Variants in SEC14L1 observed in about 807,000 individuals in gnomAD.
SEC14L1 encodes SEC14-like protein 1.
Under a neutral mutation model 85.3 loss-of-function variants are expected in SEC14L1, and 48 were observed. The ratio of observed to expected loss-of-function variants is 0.56; its 90% CI spans 0.45 to 0.72. The LOEUF (loss-of-function observed/expected upper bound fraction) is 0.72. SEC14L1 is among the 30% of genes least tolerant of loss of function. The pLI is 0.00. For missense variants in SEC14L1, 682 were observed against 921.4 expected (o/e 0.74, Z 3.36); for synonymous variants, 391 against 355.5 (o/e 1.10, Z -1.12).
In SEC14L1 at chr17:77,209,479, A is replaced by G. The variant is rs767884898; in HGVS notation, c.1611+3A>G. 6.2e-7 allele frequency: 1 copy of G among 1,613,608 alleles called. No individual in the cohort carries two copies. The highest frequency in any genetic ancestry group is 1.1e-5 in the South Asian group (1 of 91,072). On this transcript the variant is annotated splice_donor_region_variant and intron_variant, in intron 14 of 16. Coordinates refer to ENST00000436233, the MANE Select transcript of SEC14L1 (RefSeq NM_001143998.2). ...TCTTCAAAGGAGCCCCACATGAGGT[A>G]CGTCCTCCGCCTTCCTGCACCTGGG...
Position 77,154,277 on chromosome 17 carries a change from C to A in SEC14L1, c.63+10618C>A, listed in dbSNP as rs1297022475. 4.6e-5 allele frequency among the ~76,000 whole-genome samples: 7 copies of A among 151,964 alleles called. No homozygotes were observed. The East Asian group carries it at 1.3e-3, about 29-fold the overall frequency. On this transcript the variant is annotated intron_variant, in intron 3 of 16. Coordinates refer to ENST00000436233, the MANE Select transcript of SEC14L1 (RefSeq NM_001143998.2). ...CTTGAGGCCAGTAGTTTGAGACTAG[C>A]CTGGGCAACTTAGCGAGACTCTGTC...
chr17:77,151,276 T>C (rs905729474), intron 3 of SEC14L1, among the ~76,000 whole-genome samples: 50 of 152,328 alleles, frequency 3.3e-4, no homozygotes, highest in Middle Eastern at 3.4e-3. Flanking sequence ...TTTGTAAAGT[T>C]GTGAATGCCA....
intron 3 of SEC14L1, among the ~76,000 whole-genome samples, chr17:77,172,246 TAAA>T (rs778355887): frequency 6.6e-6 from 1 of 151,800 alleles, no homozygotes; most frequent in Non-Finnish European, 1.5e-5. Context: ...GGACTTGAGG[TAAA>T]AAAAAGAGTG....
At chr17:77,134,251 C>CTTT (rs35681333) in intron 3 of SEC14L1, among the ~76,000 whole-genome samples, 2 of 142,348 alleles carry the variant, frequency 1.4e-5, no homozygotes, top group Admixed American at 7.0e-5. Context: ...CACACACACA[C>CTTT]TTTTTTTTTT....
chr17:77,211,490 A>G (rs1738417049), intron 14 of SEC14L1: 1 of 169,532 alleles, frequency 5.9e-6, no homozygotes, highest in Non-Finnish European at 1.3e-5. Context: ...TGAGCCTCAC[A>G]CGGCAGGCCC....
rs531567597 is a variant in SEC14L1 at position 77,171,919 on chromosome 17, G to A, written c.64-18884G>A. Among the ~76,000 whole-genome samples the A allele has an allele frequency of 5.7e-3, 869 of 152,178 alleles. 10 individuals carry two copies. The highest frequency in any genetic ancestry group is 0.02 in the African/African-American group (827 of 41,488). ...GTAGTGAGCAAATTTAGGGAGGGGA[G>A]GAATTTTTCTTGGTTAACATAGAGG... is the stretch of plus-strand genomic sequence containing the variant. On this transcript the variant is annotated intron_variant, in intron 3 of 16. Coordinates refer to ENST00000436233, the MANE Select transcript of SEC14L1 (RefSeq NM_001143998.2).
rs1164377597 is a variant in SEC14L1 at position 77,108,724 on chromosome 17, G to A, written c.-136+15377G>A. Among the ~76,000 whole-genome samples the A allele has an allele frequency of 3.4e-5, 5 of 145,428 alleles. No individual in the cohort carries two copies. The South Asian group carries it at 1.1e-3, about 32-fold the overall frequency. On this transcript the variant is annotated intron_variant, in intron 3 of 19. Coordinates refer to the SEC14L1 transcript ENST00000392476. ...ACTGCATTCCAGTGTGGCCGACAGAGCCAGGCTCTGTCTCAAAAAAAAAGA... is the reference window on the plus strand; with the variant it reads ...ACTGCATTCCAGTGTGGCCGACAGAACCAGGCTCTGTCTCAAAAAAAAAGA...
At chr17:77,116,924 C>G (rs1046711653) in intron 3 of SEC14L1, among the ~76,000 whole-genome samples, 2 of 152,160 alleles carry the variant, frequency 1.3e-5, no homozygotes, top group Admixed American at 1.3e-4. Flanking sequence ...ACCATGATTC[C>G]AGGCGGACAC....
At chr17:77,202,262 G>A (rs1390362492) in intron 9 of SEC14L1, among the ~76,000 whole-genome samples, 1 of 152,142 alleles carries the variant, frequency 6.6e-6, no homozygotes, top group Admixed American at 6.5e-5. Flanking sequence ...AAGGCAGGAG[G>A]ATGGCTTGGA....
At chr17:77,164,134 C>G (rs1282611575) in intron 3 of SEC14L1, among the ~76,000 whole-genome samples, 2 of 152,230 alleles carry the variant, frequency 1.3e-5, no homozygotes, top group African/African-American at 4.8e-5. Context: ...AAATTGGTTA[C>G]TAAGTGATTG....
chr17:77,166,286 T>A (rs975548742), intron 3 of SEC14L1, among the ~76,000 whole-genome samples: 1 of 152,214 alleles, frequency 6.6e-6, no homozygotes, highest in Non-Finnish European at 1.5e-5. Context: ...TTATGTTTTC[T>A]TATTTAATCT....
At chr17:77,200,241 C>A (rs1976059489) in intron 8 of SEC14L1, among the ~76,000 whole-genome samples, 1 of 152,068 alleles carries the variant, frequency 6.6e-6, no homozygotes, top group African/African-American at 2.4e-5. Flanking sequence ...GTGATCTCGG[C>A]TCGCTGCAGC....
In SEC14L1 at chr17:77,216,883, T is replaced by G. The variant is rs994486359; in HGVS notation, c.*2860T>G. The G allele has an allele frequency of 3.4e-5, 10 of 296,578 alleles. No individual in the cohort carries two copies. Among genetic ancestry groups the G allele is most frequent in the Non-Finnish European group, 5.7e-5 (9 of 157,020 alleles). 18.4% of individuals were successfully genotyped at this position (296,578 alleles called of 1,614,324 possible). Reference sequence around the variant, plus strand: ...CTACCTTTAGTACCTTGCCACTCTTTTAAAACGCTGCTGTCATTTCCCATT... The same window carrying G: ...CTACCTTTAGTACCTTGCCACTCTTGTAAAACGCTGCTGTCATTTCCCATT... On this transcript the variant is annotated 3_prime_UTR_variant, in exon 17 of 17. Transcript: ENST00000436233.
rs1377199244 is a variant in SEC14L1 at position 77,213,766 on chromosome 17, G to A, written c.2043-152G>A. ...CTGTGGGAAGCCGGTCCCCCTGGTG[G>A]GTTACTCATGTCCATCCCCCGTTTG... is the stretch of plus-strand genomic sequence containing the variant. On this transcript the variant is annotated intron_variant, in intron 16 of 16. Transcript: ENST00000436233. The surrounding 1 kb of genome is among the most constrained non-coding windows in gnomAD (Gnocchi z 7.1). 3.9e-6 allele frequency: 4 copies of A among 1,031,454 alleles called. No individual in the cohort carries two copies. The highest frequency in any genetic ancestry group is 5.9e-6 in the Non-Finnish European group (4 of 677,078). 63.9% of individuals were successfully genotyped at this position (1,031,454 alleles called of 1,614,324 possible).
intron 9 of SEC14L1, among the ~76,000 whole-genome samples, chr17:77,201,476 A>T: frequency 6.8e-6 from 1 of 146,588 alleles, no homozygotes. Flanking sequence ...TTTGAGACAG[A>T]GTCTCGCTCT....
chr17:77,157,373 C>G (rs1598315478), intron 3 of SEC14L1, among the ~76,000 whole-genome samples: 2 of 152,126 alleles, frequency 1.3e-5, no homozygotes, highest in Admixed American at 6.5e-5. Flanking sequence ...TTCACTGAGT[C>G]AGAATTTCTG....
chr17:77,153,622 G>A (rs560518871), intron 3 of SEC14L1, among the ~76,000 whole-genome samples: 34 of 152,264 alleles, frequency 2.2e-4, no homozygotes, highest in African/African-American at 7.0e-4. Context: ...TATTGGCAGC[G>A]TTTCTATGTA....
intron 3 of SEC14L1, among the ~76,000 whole-genome samples, chr17:77,186,331 C>G (rs1975264979): frequency 6.6e-6 from 1 of 152,242 alleles, no homozygotes. Context: ...TGAGTTCTTT[C>G]CTGGAAACGC....
At chr17:77,187,401 G>A (rs1481259365) in intron 3 of SEC14L1, among the ~76,000 whole-genome samples, 4 of 151,308 alleles carry the variant, frequency 2.6e-5, no homozygotes, top group Admixed American at 6.6e-5. Flanking sequence ...TTTCTGAGAC[G>A]GAGTCTCTCT....
Sources: allele counts gnomAD v4.1 joint callset (sites outside exome capture counted in the v4.1 genomes callset), GRCh38; gene constraint gnomAD v4.1.1; non-coding constraint Gnocchi (gnomAD v3.1); transcripts MANE v1.5; gene names NCBI Gene and HGNC (gene_info 2026-07-23, HGNC 2026-07-21).